SLC25A36: variants seen among roughly 807,000 people sequenced by gnomAD.
SLC25A36 encodes solute carrier family 25 member 36.
In SLC25A36, 24 loss-of-function variants were observed where a neutral mutation model predicts 35.3. The ratio of observed to expected loss-of-function variants is 0.68; its 90% CI spans 0.49 to 0.96. The LOEUF (loss-of-function observed/expected upper bound fraction) is 0.96, where lower values mean the gene tolerates loss of function less well. Among genes scored for constraint, SLC25A36 ranks in the 40% least tolerant of loss-of-function variants. The pLI is 0.00. For synonymous variants in SLC25A36, 141 were observed against 132.2 expected, an observed-to-expected ratio of 1.07 and a Z score of -0.46; for missense variants, 294 against 381.1, an observed-to-expected ratio of 0.77 and a Z score of 1.90.
intron 1 of SLC25A36, among the ~76,000 whole-genome samples, chr3:140,951,786 C>T (rs559958221): frequency 2.6e-5 from 4 of 152,046 alleles, no homozygotes; most frequent in Non-Finnish European, 4.4e-5. Context: ...TGAGCCACCA[C>T]GCCTGGCCTT....
rs10662120 is a variant in SLC25A36, at chr3:140,975,097, C to CTTTTTTTTTTTTTTTTTTTTTTT, written c.742+1100_742+1122dup. 3.6e-4 allele frequency among the ~76,000 whole-genome samples: 20 copies of CTTTTTTTTTTTTTTTTTTTTTTT among 55,222 alleles called. 6 individuals carry two copies. Among genetic ancestry groups the CTTTTTTTTTTTTTTTTTTTTTTT allele is most frequent in the Admixed American group, 1.1e-3 (4 of 3,610 alleles). The allele number at this position is 55,222 out of a possible 152,430, so 36.2% of individuals were successfully genotyped here. On this transcript the variant is annotated intron_variant, in intron 6 of 6. Coordinates refer to ENST00000324194, the MANE Select transcript of SLC25A36 (RefSeq NM_001104647.3). Reference sequence around the variant, plus strand: ...GTACAGTTGATAAACAAGATACATTCTTTTTTTTTTTTTTTTTTTTTTTTT... The same window carrying CTTTTTTTTTTTTTTTTTTTTTTT: ...GTACAGTTGATAAACAAGATACATTCTTTTTTTTTTTTTTTTTTTTTTTTTTTTTTTTTTTTTTTTTTTTTTTT...
In SLC25A36 at chr3:140,980,832, GTTTC is replaced by G. The variant is rs376101972; in HGVS notation, c.*4383_*4386del. On this transcript the variant is annotated 3_prime_UTR_variant, in exon 7 of 7. Coordinates refer to ENST00000324194, the MANE Select transcript of SLC25A36 (RefSeq NM_001104647.3). ...TCTGCCTCAGCCTGACTTCCCTTCT[GTTTC>G]TTTATTTTCGCACTGTGTAGACCAG... Among the ~76,000 whole-genome samples the G allele has an allele frequency of 2.4e-3, 362 of 151,684 alleles. 3 individuals carry two copies. The highest frequency in any genetic ancestry group is 0.02 in the East Asian group (102 of 5,156).
At chr3:140,974,968 T>C (rs929112078) in intron 6 of SLC25A36, among the ~76,000 whole-genome samples, 2 of 152,082 alleles carry the variant, frequency 1.3e-5, no homozygotes, top group Admixed American at 1.3e-4. Context: ...GATACTGACC[T>C]ATGGGGTAGG....
intron 3 of SLC25A36, among the ~76,000 whole-genome samples, chr3:140,960,000 T>G (rs778927583): frequency 1.1e-4 from 17 of 152,138 alleles, no homozygotes; most frequent in South Asian, 4.1e-4. Context: ...GAGATTTTTT[T>G]GGGGGAGATG....
intron 4 of SLC25A36, chr3:140,968,151 ATTATTAGATTATAT>A: frequency 1.1e-6 from 1 of 949,244 alleles, no homozygotes; most frequent in Non-Finnish European, 1.3e-6. Context: ...CATTTCTTAG[ATTATTAGATTATAT>A]TTATTAGATG....
At chr3:140,942,462 T>C (rs1934037694) in intron 1 of SLC25A36, 1 of 181,322 alleles carries the variant, frequency 5.5e-6, no homozygotes, top group South Asian at 1.8e-4. Flanking sequence ...GGTCGGCGCT[T>C]GATTACCCGG....
At chr3:140,958,308 A>G (rs1934531887) in intron 2 of SLC25A36, among the ~76,000 whole-genome samples, 1 of 152,166 alleles carries the variant, frequency 6.6e-6, no homozygotes, top group Non-Finnish European at 1.5e-5. Flanking sequence ...TTCATTTCAT[A>G]ACTTACTCCA....
Position 140,976,592 on chromosome 3 carries a change from GAA to G in SLC25A36, c.*140_*141del, listed in dbSNP as rs1230613886. 1 of 556,596 alleles carries G rather than the reference GAA, an allele frequency of 1.8e-6. No individual in the cohort carries two copies. Among genetic ancestry groups the G allele is most frequent in the African/African-American group, 2.0e-5 (1 of 50,798 alleles). The allele number at this position is 556,596 out of a possible 1,614,324, so 34.5% of individuals were successfully genotyped here. ...ATTCTAAGTGGAAGTTTTGTTGTAG[GAA>G]TTATAGTAATCACACCACATTACTT... On this transcript the variant is annotated 3_prime_UTR_variant, in exon 7 of 7. Coordinates refer to ENST00000324194, the MANE Select transcript of SLC25A36 (RefSeq NM_001104647.3).
At chr3:140,949,978 T>G (rs1934274410) in intron 1 of SLC25A36, among the ~76,000 whole-genome samples, 2 of 152,186 alleles carry the variant, frequency 1.3e-5, no homozygotes, top group Non-Finnish European at 2.9e-5. Flanking sequence ...ACTCCACCAT[T>G]TTTTTCTCTT....
Position 140,959,527 on chromosome 3 carries a change from G to A in SLC25A36, c.271G>A (p.Val91Ile), listed in dbSNP as rs768118244. The change falls in exon 3 of 7, where the codon GTA (valine) becomes ATA (isoleucine). Residue 91 changes from valine (V) to isoleucine (I), a missense_variant. Physicochemically the swap from Val to Ile is conservative, Grantham distance 29 (BLOSUM62 3). Coordinates refer to ENST00000324194, the MANE Select transcript of SLC25A36 (RefSeq NM_001104647.3). ...AGGACTAGGCCCCAATTTAGTGGGG[G>A]TAGCCCCTTCCAGGTAAAAAAAAAA... The part of the protein sequence containing the change: ...FRGLGPNLVG[V>I]APSRAIYFAA... 3 of 1,476,160 alleles carry A rather than the reference G, an allele frequency of 2.0e-6. No homozygotes were observed. Among genetic ancestry groups the A allele is most frequent in the Admixed American group, 3.0e-5 (1 of 33,094 alleles). The allele number at this position is 1,476,160 out of a possible 1,614,324, so 91.4% of individuals were successfully genotyped here.
intron 3 of SLC25A36, among the ~76,000 whole-genome samples, chr3:140,960,596 G>A (rs984393146): frequency 5.9e-5 from 9 of 152,196 alleles, no homozygotes; most frequent in African/African-American, 1.9e-4. Context: ...AGGGCAGTAA[G>A]TGATGTACAT....
intron 5 of SLC25A36, chr3:140,973,158 A>G (rs1934949328): frequency 6.6e-6 from 1 of 152,216 alleles, no homozygotes; most frequent in African/African-American, 2.4e-5. Flanking sequence ...TTAAATGATC[A>G]TAGGGAATTT....
chr3:140,959,101 C>T (rs1414918395), intron 2 of SLC25A36, among the ~76,000 whole-genome samples: 1 of 150,606 alleles, frequency 6.6e-6, no homozygotes, highest in African/African-American at 2.4e-5. Flanking sequence ...CTGCAATCTC[C>T]GCCTTCCAAA....
At chr3:140,972,103 T>C (rs1381967451) in intron 5 of SLC25A36, among the ~76,000 whole-genome samples, 1 of 152,224 alleles carries the variant, frequency 6.6e-6, no homozygotes, top group African/African-American at 2.4e-5. Context: ...ATCTGAAAAG[T>C]AGTGGTAGCT....
chr3:140,966,624 T>C (rs1413512019), intron 4 of SLC25A36, among the ~76,000 whole-genome samples: 1 of 151,696 alleles, frequency 6.6e-6, no homozygotes, highest in Non-Finnish European at 1.5e-5. Flanking sequence ...AAATGGGAGA[T>C]GATGATCCCC....
At chr3:140,963,272 T>C in intron 4 of SLC25A36, 45 bp downstream of exon 4, 2 of 1,151,126 alleles carry the variant, frequency 1.7e-6, no homozygotes, top group Non-Finnish European at 1.2e-6. Context: ...TTCTGAAACC[T>C]AGAGGCTTAA....
At position 140,980,257 on chromosome 3, in the gene SLC25A36, C is replaced by A. The variant is rs1021869789; in HGVS notation, c.*3804C>A. Among the ~76,000 whole-genome samples the A allele has an allele frequency of 6.6e-6, 1 of 152,124 alleles. No homozygotes were observed. On this transcript the variant is annotated 3_prime_UTR_variant, in exon 7 of 7. Transcript: ENST00000324194. The stretch of plus-strand genomic sequence containing the variant: ...TTTGTGAAAGTTGATATTAAAAATA[C>A]AGAGGTGAGAACTTGTTAGAATAAC...
chr3:140,950,368 A>G (rs530513888), intron 1 of SLC25A36, among the ~76,000 whole-genome samples: 3 of 150,604 alleles, frequency 2.0e-5, no homozygotes, highest in African/African-American at 7.3e-5. Context: ...TTCATCTGTC[A>G]GTCTTTTTTC....
chr3:140,975,920 C>T (rs1935032308), intron 6 of SLC25A36, among the ~76,000 whole-genome samples: 1 of 152,150 alleles, frequency 6.6e-6, no homozygotes, highest in Non-Finnish European at 1.5e-5. Context: ...TATATTCATC[C>T]TGGATGCCAC....
Sources: allele counts gnomAD v4.1 joint callset (sites outside exome capture counted in the v4.1 genomes callset), GRCh38; gene constraint gnomAD v4.1.1; transcripts MANE v1.5; gene names NCBI Gene and HGNC (gene_info 2026-07-23, HGNC 2026-07-21).